The following LMBR1 variants were observed in gnomAD, a reference collection of about 807,000 sequenced individuals.
LMBR1 encodes the protein limb development membrane protein 1, also known as limb region 1 protein homolog.
Under a neutral mutation model 73.9 loss-of-function variants are expected in LMBR1, and 52 were observed. The observed-to-expected ratio is 0.70, with a 90% confidence interval of 0.56 to 0.89. LMBR1 has a LOEUF of 0.89. LMBR1 is among the 40% of genes least tolerant of loss of function. The pLI is 0.00. For synonymous variants in LMBR1, 215 were observed against 209.4 expected, an observed-to-expected ratio of 1.03 and a Z score of -0.23; for missense variants, 539 against 579.8, an observed-to-expected ratio of 0.93 and a Z score of 0.72.
intron 4 of LMBR1, among the ~76,000 whole-genome samples, chr7:156,824,254 G>A (rs766153375): frequency 1.7e-4 from 26 of 152,134 alleles, no homozygotes; most frequent in African/African-American, 4.6e-4. Context: ...ATAAGGGAGC[G>A]GTTGGTGTTG....
intron 15 of LMBR1, among the ~76,000 whole-genome samples, chr7:156,719,493 A>G (rs1585360873): frequency 6.6e-6 from 1 of 152,330 alleles, no homozygotes; most frequent in South Asian, 2.1e-4. Context: ...GCTCATGGGT[A>G]GGAAGAATCA....
chr7:156,776,525 T>A (rs1374226123), intron 5 of LMBR1, among the ~76,000 whole-genome samples: 1 of 152,052 alleles, frequency 6.6e-6, no homozygotes, highest in Non-Finnish European at 1.5e-5. Context: ...CTCTAAGAAC[T>A]CCAACTTTGA....
intron 1 of LMBR1, among the ~76,000 whole-genome samples, chr7:156,890,517 T>C (rs960711734): frequency 2.6e-5 from 4 of 152,190 alleles, no homozygotes; most frequent in Non-Finnish European, 2.9e-5. Flanking sequence ...AAAGATAAAC[T>C]TAATTTTTAA....
At chr7:156,800,369 C>A (rs79845736) in intron 4 of LMBR1, among the ~76,000 whole-genome samples, 4,840 of 150,718 alleles carry the variant, frequency 0.032, 124 homozygotes, top group South Asian at 0.085. Flanking sequence ...TTATCCTAAG[C>A]CCATTCTGCC....
At chr7:156,786,796 C>A (rs1242648814) in intron 5 of LMBR1, among the ~76,000 whole-genome samples, 1 of 151,946 alleles carries the variant, frequency 6.6e-6, no homozygotes, top group East Asian at 1.9e-4. Context: ...TTAAGTAGGA[C>A]CAAGTCAAAC....
intron 4 of LMBR1, among the ~76,000 whole-genome samples, chr7:156,803,497 A>T (rs1402620946): frequency 1.3e-5 from 2 of 152,168 alleles, no homozygotes; most frequent in Admixed American, 6.5e-5. Flanking sequence ...AAAAGTCAGG[A>T]AACAACAGGT....
chr7:156,780,035 G>A (rs1050213271), intron 5 of LMBR1, among the ~76,000 whole-genome samples: 6 of 152,186 alleles, frequency 3.9e-5, no homozygotes, highest in Admixed American at 3.9e-4. Context: ...TCTCTAGAGA[G>A]TGTCAAACAT....
chr7:156,697,155 G>A (rs1808459587), intron 15 of LMBR1, among the ~76,000 whole-genome samples: 2 of 152,174 alleles, frequency 1.3e-5, no homozygotes, highest in Non-Finnish European at 2.9e-5. Flanking sequence ...AAACCAGCAA[G>A]TTTTTATTAA....
chr7:156,812,355 G>A (rs1014558985), intron 4 of LMBR1, among the ~76,000 whole-genome samples: 3 of 152,130 alleles, frequency 2.0e-5, no homozygotes, highest in Non-Finnish European at 2.9e-5. Context: ...GGGAGAGAGG[G>A]AGAGAAAACA....
chr7:156,702,352 GA>G (rs1277373817), intron 15 of LMBR1, among the ~76,000 whole-genome samples: 2 of 152,132 alleles, frequency 1.3e-5, no homozygotes, highest in Non-Finnish European at 2.9e-5. Flanking sequence ...TTGTGGTTCT[GA>G]TTTGCATTTC....
chr7:156,722,036 C>T (rs930329909), intron 15 of LMBR1, among the ~76,000 whole-genome samples: 3 of 151,630 alleles, frequency 2.0e-5, no homozygotes, highest in African/African-American at 2.4e-5. Context: ...ATACTAGATT[C>T]GATGTATTTC....
Position 156,701,633 on chromosome 7 carries a change from CTT to C in LMBR1, c.1226-13444_1226-13443del, listed in dbSNP as rs141849769. Reference sequence around the variant, plus strand: ...AGGAATGTAAAATGGTACAACCACTCTTTTCAAAAATTGAATTTTATTTTAAG... The same window carrying C: ...AGGAATGTAAAATGGTACAACCACTCTTCAAAAATTGAATTTTATTTTAAG... On this transcript the variant is annotated intron_variant, in intron 15 of 16. Transcript: ENST00000353442. 9.9e-4 allele frequency among the ~76,000 whole-genome samples: 150 copies of C among 152,280 alleles called. 2 individuals carry two copies. The East Asian group carries it at 0.026, about 27-fold the overall frequency.
chr7:156,726,717 T>C (rs974624359), intron 12 of LMBR1, among the ~76,000 whole-genome samples: 1 of 152,140 alleles, frequency 6.6e-6, no homozygotes, highest in African/African-American at 2.4e-5. Flanking sequence ...GACACACTAC[T>C]CCAAAATTTG....
At chr7:156,689,629 A>AC (rs2131903480) in intron 15 of LMBR1, among the ~76,000 whole-genome samples, 1 of 152,342 alleles carries the variant, frequency 6.6e-6, no homozygotes, top group Non-Finnish European at 1.5e-5. Flanking sequence ...AAATTAAAAG[A>AC]CAGTAATATA....
At chr7:156,853,601 C>T (rs1482009539) in intron 1 of LMBR1, among the ~76,000 whole-genome samples, 1 of 152,186 alleles carries the variant, frequency 6.6e-6, no homozygotes, top group Non-Finnish European at 1.5e-5. Context: ...TGAAGATTCT[C>T]AAGCAGCTGC....
At chr7:156,744,750 A>G (rs1001754389) in intron 9 of LMBR1, among the ~76,000 whole-genome samples, 2 of 152,210 alleles carry the variant, frequency 1.3e-5, no homozygotes, top group South Asian at 4.1e-4. Flanking sequence ...CTGGCTTAAA[A>G]CAACATAAAT....
At position 156,757,060 on chromosome 7, in the gene LMBR1, C is replaced by T. The variant is rs1338625432; in HGVS notation, c.685-595G>A. Among the ~76,000 whole-genome samples, 4 of 152,288 alleles carry T rather than the reference C, an allele frequency of 2.6e-5. No individual in the cohort carries two copies. In the East Asian group the frequency reaches 7.7e-4, roughly 29 times the overall value. ...TGAACTCCTGACCTCAGGTGATCCG[C>T]CTGCCTCAGCCTCCCAAAGTGCTGG... On this transcript the variant is annotated intron_variant, in intron 8 of 16. Coordinates refer to ENST00000353442, the MANE Select transcript of LMBR1 (RefSeq NM_022458.4).
At chr7:156,762,552 T>C (rs551325569) in intron 7 of LMBR1, among the ~76,000 whole-genome samples, 1 of 152,330 alleles carries the variant, frequency 6.6e-6, no homozygotes, top group South Asian at 2.1e-4. Context: ...TTAATAGGAC[T>C]GAGAAACAAA....
chr7:156,810,479 G>A (rs1295592015), intron 4 of LMBR1, among the ~76,000 whole-genome samples: 1 of 152,012 alleles, frequency 6.6e-6, no homozygotes, highest in Admixed American at 6.6e-5. Context: ...TGCAGCCTCT[G>A]CCTCCCAGGT....
Sources: gnomAD v4.1 joint callset for allele counts (sites outside exome capture counted in the v4.1 genomes callset) on GRCh38, gnomAD v4.1.1 for gene constraint, MANE v1.5 for transcripts, NCBI Gene and HGNC (gene_info 2026-07-23, HGNC 2026-07-21) for gene names.